Variants in KIAA1217 observed in about 807,000 individuals in gnomAD.
KIAA1217 encodes sickle tail protein homolog.
KIAA1217 carries 88 observed loss-of-function variants against 163.9 expected under a neutral mutation model. The observed-to-expected ratio is 0.54, with a 90% CI of 0.45 to 0.64. KIAA1217 has a LOEUF of 0.64. KIAA1217 is among the 30% of genes least tolerant of loss of function. The pLI is 0.00. For synonymous variants in KIAA1217, 903 were observed against 923.1 expected (o/e 0.98, Z 0.39); for missense variants, 2,372 against 2,475.0 (o/e 0.96, Z 0.88).
intron 2 of KIAA1217, among the ~76,000 whole-genome samples, chr10:24,160,570 C>T (rs746099298): frequency 6.6e-5 from 10 of 152,054 alleles, no homozygotes; most frequent in Non-Finnish European, 1.2e-4. Context: ...CCATAGAGAA[C>T]AGTAAAACAA....
chr10:24,503,685 A>G (rs1012040870), intron 9 of KIAA1217, among the ~76,000 whole-genome samples: 1 of 152,256 alleles, frequency 6.6e-6, no homozygotes, highest in Non-Finnish European at 1.5e-5. Flanking sequence ...AATGTTGGAA[A>G]GTAATTGAAA....
intron 3 of KIAA1217, among the ~76,000 whole-genome samples, chr10:24,429,230 C>G (rs955539895): frequency 2.6e-5 from 4 of 152,158 alleles, no homozygotes; most frequent in African/African-American, 7.2e-5. Flanking sequence ...TCCTATGTGA[C>G]TTTTTACCTG....
chr10:23,913,653 A>G (rs1842526692), intron 1 of KIAA1217, among the ~76,000 whole-genome samples: 1 of 152,164 alleles, frequency 6.6e-6, no homozygotes. Flanking sequence ...AGGCTGCTGG[A>G]GAAATGTCTG....
intron 2 of KIAA1217, among the ~76,000 whole-genome samples, chr10:24,157,258 A>C (rs373653904): frequency 1.2e-4 from 18 of 152,316 alleles, no homozygotes; most frequent in African/African-American, 4.3e-4. Context: ...ATTTTGTTGA[A>C]TATTTTTTGT....
In KIAA1217 at chr10:24,546,141, A is replaced by G; in HGVS notation, c.5649A>G (p.Gln1883=). 1.9e-6 allele frequency: 3 copies of G among 1,614,120 alleles called. No homozygotes were observed. Among genetic ancestry groups the G allele is most frequent in the South Asian group, 1.1e-5 (1 of 91,072 alleles). Reference sequence around the variant, plus strand: ...ATCTTTCATTCTCACCGCAGAGTCAAAATGGCCGAGCACCCCCTCCTTTGT... The same window carrying G: ...ATCTTTCATTCTCACCGCAGAGTCAGAATGGCCGAGCACCCCCTCCTTTGT... ...GHHLSFSPQS[Q]NGRAPPPLSF... is the part of the protein sequence containing the mutation. The change falls in exon 21 of 21, where the codon CAA becomes CAG. Residue 1883 remains glutamine (Q), a synonymous_variant. Transcript: ENST00000376454.
chr10:23,832,014 G>A (rs1314040336), intron 1 of KIAA1217, among the ~76,000 whole-genome samples: 2 of 152,088 alleles, frequency 1.3e-5, no homozygotes, highest in Non-Finnish European at 2.9e-5. Flanking sequence ...TTCTCTAGTG[G>A]ACACCAACTG....
chr10:23,755,848 T>C (rs1833893927), intron 1 of KIAA1217, among the ~76,000 whole-genome samples: 1 of 152,156 alleles, frequency 6.6e-6, no homozygotes, highest in Non-Finnish European at 1.5e-5. Context: ...ATTTCACTGA[T>C]ACTTTATTTT....
At position 23,840,862 on chromosome 10, in the gene KIAA1217, T is replaced by A. The variant is rs80167153; in HGVS notation, c.-321+145628T>A. On this transcript the variant is annotated intron_variant, in intron 1 of 18. Transcript: ENST00000376462. ...TTTCTTCATATTACCCTGCTTGTAC[T>A]TGCATTTTTCCCATCTTCTATTTCA... Among the ~76,000 whole-genome samples, 999 of 152,310 alleles carry A rather than the reference T, an allele frequency of 6.6e-3. 37 individuals are homozygous for A. The highest frequency in any genetic ancestry group is 0.046 in the Admixed American group (697 of 15,290).
intron 1 of KIAA1217, among the ~76,000 whole-genome samples, chr10:23,822,399 T>G (rs1374963673): frequency 6.6e-6 from 1 of 152,230 alleles, no homozygotes; most frequent in Non-Finnish European, 1.5e-5. Context: ...ATAAATTATC[T>G]TGAACACACA....
intron 1 of KIAA1217, among the ~76,000 whole-genome samples, chr10:23,829,955 G>T (rs1274293150): frequency 1.3e-5 from 2 of 152,134 alleles, no homozygotes; most frequent in African/African-American, 4.8e-5. Context: ...TTAGATCAAA[G>T]AATTCTCTGT....
At chr10:23,868,282 T>C (rs1192551121) in intron 1 of KIAA1217, among the ~76,000 whole-genome samples, 1 of 152,088 alleles carries the variant, frequency 6.6e-6, no homozygotes, top group East Asian at 1.9e-4. Flanking sequence ...GATGTACGGT[T>C]ACTCAGTTAA....
chr10:24,283,626 A>C (rs1433902182), intron 2 of KIAA1217, among the ~76,000 whole-genome samples: 1 of 152,154 alleles, frequency 6.6e-6, no homozygotes, highest in East Asian at 1.9e-4. Flanking sequence ...ATGTTGTGCC[A>C]CCGCACTTCA....
At chr10:24,472,802 A>G (rs1266166748) in intron 5 of KIAA1217, among the ~76,000 whole-genome samples, 1 of 152,134 alleles carries the variant, frequency 6.6e-6, no homozygotes, top group Non-Finnish European at 1.5e-5. Context: ...ATCAATATCA[A>G]TGTGTCGGCA....
At chr10:24,033,014 G>A (rs1241658228) in intron 2 of KIAA1217, among the ~76,000 whole-genome samples, 2 of 152,150 alleles carry the variant, frequency 1.3e-5, no homozygotes, top group African/African-American at 4.8e-5. Context: ...TGTTGGTTCA[G>A]ATAAGTCGTT....
rs1433263745 is a variant in KIAA1217 at position 24,012,785 on chromosome 10, AC to A, written c.-171+5412del. Among the ~76,000 whole-genome samples the A allele has an allele frequency of 2.0e-5, 3 of 152,278 alleles. No homozygotes were observed. The East Asian group carries it at 5.8e-4, about 29-fold the overall frequency. On this transcript the variant is annotated intron_variant, in intron 2 of 18. Coordinates refer to the KIAA1217 transcript ENST00000376462. Reference sequence around the variant, plus strand: ...AAGGTTGTTTCTTAACACAGCTTTAACAAAAAATGTAAACTTTGGTTGGATT... The same window carrying A: ...AAGGTTGTTTCTTAACACAGCTTTAAAAAAAATGTAAACTTTGGTTGGATT...
chr10:24,520,006 G>C, intron 10 of KIAA1217, 117 bp from the exon 11 acceptor site: 2 of 1,158,168 alleles, frequency 1.7e-6, no homozygotes, highest in South Asian at 3.1e-5. Context: ...ACGAAAGGCA[G>C]GGGGGAGGAG....
intron 2 of KIAA1217, among the ~76,000 whole-genome samples, chr10:24,063,492 G>A (rs12244169): frequency 0.094 from 14,299 of 152,034 alleles, 1,007 homozygotes; most frequent in African/African-American, 0.2. Flanking sequence ...CTGTTCCATC[G>A]GTCTATATCC....
Position 24,473,603 on chromosome 10 carries a change from T to G in KIAA1217, c.1222T>G (p.Ser408Ala). Reference sequence around the variant, plus strand: ...TCACGAGGGACGGATGAGCATAGCCTCATCCCATGGTGGACACCCACTGGA... The same window carrying G: ...TCACGAGGGACGGATGAGCATAGCCGCATCCCATGGTGGACACCCACTGGA... ...LYHEGRMSIA[S>A]SHGGHPLDVP... Residue 408 changes from serine (S) to alanine (A), a missense_variant, in exon 6 of 21, where the codon TCA becomes GCA. By Grantham distance (99) the Ser-to-Ala change is moderately conservative. This residue lies in a region of KIAA1217 where 1,431 missense variants were observed against 1,470.3 expected (regional missense o/e 0.97). Coordinates refer to ENST00000376454, the MANE Select transcript of KIAA1217 (RefSeq NM_019590.5). The G allele has an allele frequency of 6.2e-7, 1 of 1,614,152 alleles. No homozygotes were observed.
chr10:24,042,956 C>T (rs1019039114), intron 2 of KIAA1217, among the ~76,000 whole-genome samples: 7 of 152,092 alleles, frequency 4.6e-5, no homozygotes, highest in African/African-American at 1.4e-4. Context: ...AAAATACTAA[C>T]GTATGGTTCA....
Sources: allele counts gnomAD v4.1 joint callset (sites outside exome capture counted in the v4.1 genomes callset), GRCh38; gene constraint gnomAD v4.1.1; regional missense constraint gnomAD v4.1.1; transcripts MANE v1.5; gene names NCBI Gene and HGNC (gene_info 2026-07-23, HGNC 2026-07-21).